Variants in ASPRV1 observed in about 807,000 individuals in gnomAD.
ASPRV1 encodes the protein aspartic peptidase retroviral like 1, also known as retroviral-like aspartic protease 1.
A neutral mutation model predicts 11.0 loss-of-function variants in ASPRV1; 7 were observed. That is an observed-to-expected ratio of 0.64 (90% CI 0.36 to 1.20). ASPRV1 has a LOEUF of 1.20. Among genes scored for constraint, ASPRV1 ranks in the 50% most tolerant of loss-of-function variants. The pLI, the probability that ASPRV1 is intolerant of heterozygous loss-of-function variation, is 0.02. For synonymous variants in ASPRV1, 136 were observed against 138.4 expected (o/e 0.98, Z 0.12); for missense variants, 299 against 320.0 (o/e 0.93, Z 0.50).
chr2:69,997,891 T>C, the ASPRV1 span: 1 of 151,830 alleles, frequency 6.6e-6, no homozygotes, highest in Non-Finnish European at 1.5e-5. Flanking sequence ...GAAACAACAA[T>C]TGACATTTTT....
At chr2:69,941,924 G>A in the ASPRV1 span, 4 of 152,072 alleles carry the variant, frequency 2.6e-5, no homozygotes, top group African/African-American at 9.6e-5. Context: ...CTGTATTGGC[G>A]AGAATACCAC....
chr2:69,945,700 A>G, the ASPRV1 span, among the ~76,000 whole-genome samples: 4 of 152,192 alleles, frequency 2.6e-5, no homozygotes, highest in African/African-American at 9.7e-5. Flanking sequence ...TAGGGATGTA[A>G]TGGGACAGGC....
the ASPRV1 span, among the ~76,000 whole-genome samples, chr2:70,083,850 G>A: frequency 6.6e-6 from 1 of 152,180 alleles, no homozygotes; most frequent in East Asian, 1.9e-4. Context: ...ATAAAAGGGA[G>A]AACTGAAACC....
chr2:69,935,724 T>A, the ASPRV1 span, among the ~76,000 whole-genome samples: 1 of 152,212 alleles, frequency 6.6e-6, no homozygotes, highest in Non-Finnish European at 1.5e-5. Context: ...CTCCTGCTCC[T>A]TAACCATATA....
the ASPRV1 span, among the ~76,000 whole-genome samples, chr2:70,054,613 A>G: frequency 6.6e-6 from 1 of 151,960 alleles, no homozygotes; most frequent in Non-Finnish European, 1.5e-5. Context: ...TAATAAAATA[A>G]TAAGAGGGCT....
At chr2:70,064,754 T>C in the ASPRV1 span, among the ~76,000 whole-genome samples, 2 of 152,136 alleles carry the variant, frequency 1.3e-5, no homozygotes, top group African/African-American at 4.8e-5. Flanking sequence ...TTGTCAATAA[T>C]GTGTCAGACA....
the ASPRV1 span, chr2:70,074,969 C>G: frequency 6.6e-6 from 1 of 151,532 alleles, no homozygotes; most frequent in Non-Finnish European, 1.5e-5. Context: ...GAAAAATTAG[C>G]TGGGCATGCT....
the ASPRV1 span, among the ~76,000 whole-genome samples, chr2:69,985,188 G>A: frequency 6.6e-6 from 1 of 152,114 alleles, no homozygotes; most frequent in Non-Finnish European, 1.5e-5. Context: ...CCAAACCTAC[G>A]CTCTTTTCTT....
chr2:69,963,357 C>T (rs75197723), upstream of ASPRV1: 7 of 456,554 alleles, frequency 1.5e-5, no homozygotes, highest in South Asian at 3.1e-5. Flanking sequence ...CCCAGCCACA[C>T]GCAAGACCAG....
At chr2:70,061,063 A>G in the ASPRV1 span, among the ~76,000 whole-genome samples, 1 of 152,050 alleles carries the variant, frequency 6.6e-6, no homozygotes, top group Non-Finnish European at 1.5e-5. Context: ...GCGGCCAGAA[A>G]AGCCCTTCAA....
chr2:69,996,376 A>G, the ASPRV1 span, among the ~76,000 whole-genome samples: 4 of 152,056 alleles, frequency 2.6e-5, no homozygotes, highest in Non-Finnish European at 5.9e-5. Flanking sequence ...TGGGTGACAG[A>G]GTAAGACCTT....
the ASPRV1 span, among the ~76,000 whole-genome samples, chr2:70,004,173 G>A: frequency 6.6e-6 from 1 of 152,160 alleles, no homozygotes; most frequent in South Asian, 2.1e-4. Context: ...TCTGTAGCCT[G>A]AAAGTCTGAG....
the ASPRV1 span, among the ~76,000 whole-genome samples, chr2:70,084,178 C>T: frequency 6.6e-6 from 1 of 152,166 alleles, no homozygotes; most frequent in Non-Finnish European, 1.5e-5. Context: ...GGAAATATTT[C>T]AGTAGGTAGT....
At chr2:70,004,783 A>G in the ASPRV1 span, among the ~76,000 whole-genome samples, 1 of 152,082 alleles carries the variant, frequency 6.6e-6, no homozygotes, top group African/African-American at 2.4e-5. Flanking sequence ...TGTTCAATCA[A>G]CAAACATCTT....
At chr2:70,069,332 AG>A in the ASPRV1 span, 6 of 152,272 alleles carry the variant, frequency 3.9e-5, no homozygotes, top group Non-Finnish European at 8.8e-5. Context: ...CAACAGAGCC[AG>A]GAACAGGTGG....
the ASPRV1 span, chr2:69,988,829 G>T: frequency 6.6e-6 from 3 of 456,558 alleles, no homozygotes; most frequent in Non-Finnish European, 1.3e-5. Flanking sequence ...ATGGGGTTCT[G>T]CAGAAGAGTC....
Position 69,960,847 on chromosome 2 carries a change from T to C in ASPRV1, c.590A>G (p.Glu197Gly). The C allele has an allele frequency of 6.2e-7, 1 of 1,614,118 alleles. No homozygotes were observed. ...QFLVANASAE[E>G]AIIGTDVLQD... is the part of the protein sequence containing the mutation. ...GAGCACATCAGTGCCAATGATGGCT[T>C]CCTCGGCACTCGCATTGGCCACTAG... Residue 197 changes from glutamate (E) to glycine (G), a missense_variant, in exon 1 of 1, where the codon GAA (glutamate) becomes GGA (glycine). Transcript: ENST00000320256.
the ASPRV1 span, among the ~76,000 whole-genome samples, chr2:70,036,928 C>T: frequency 6.6e-6 from 1 of 152,190 alleles, no homozygotes; most frequent in Admixed American, 6.5e-5. Flanking sequence ...TAATTGAGAC[C>T]ACACACTCCT....
chr2:70,069,708 T>C, the ASPRV1 span, among the ~76,000 whole-genome samples: 1 of 152,126 alleles, frequency 6.6e-6, no homozygotes, highest in Admixed American at 6.6e-5. Context: ...AGTTTCTAAG[T>C]TGTTCATAAT....
Sources: allele counts gnomAD v4.1 joint callset (sites outside exome capture counted in the v4.1 genomes callset), GRCh38; gene constraint gnomAD v4.1.1; transcripts MANE v1.5; gene names NCBI Gene and HGNC (gene_info 2026-07-23, HGNC 2026-07-21).